The following SNED1 variants were observed in gnomAD, a reference collection of about 807,000 sequenced individuals.
The protein encoded by SNED1 is sushi, nidogen and EGF like domains 1, also known as sushi, nidogen and EGF-like domain-containing protein 1.
SNED1 carries 81 observed loss-of-function variants against 166.7 expected under a neutral mutation model. That is an observed-to-expected ratio of 0.49 (90% CI 0.41 to 0.58). The LOEUF (loss-of-function observed/expected upper bound fraction) is 0.58. SNED1 is among the 20% of genes least tolerant of loss of function. The probability of loss-of-function intolerance (pLI) is 0.00; values close to 1 mark genes in which losing one functional copy is unlikely to be tolerated. For missense variants in SNED1, 1,604 were observed against 2,000.2 expected (o/e 0.80, Z 3.78); for synonymous variants, 762 against 822.0 (o/e 0.93, Z 1.25).
In SNED1 at chr2:241,073,221, G is replaced by C; in HGVS notation, c.3818-45G>C. On this transcript the variant is annotated intron_variant, in intron 26 of 31. Transcript: ENST00000310397. The surrounding 1 kb of genome is among the most constrained non-coding windows in gnomAD (Gnocchi z 6.6). Reference sequence around the variant, plus strand: ...AAGGGTGGCCCCAGGACCATCCCGGGTGCAAAGCAGCTGCGCCGTGTGGTC... The same window carrying C: ...AAGGGTGGCCCCAGGACCATCCCGGCTGCAAAGCAGCTGCGCCGTGTGGTC... 2 of 1,440,178 alleles carry C rather than the reference G, an allele frequency of 1.4e-6. No individual in the cohort carries two copies. Among genetic ancestry groups the C allele is most frequent in the Non-Finnish European group, 1.9e-6 (2 of 1,048,136 alleles). 89.2% of individuals were successfully genotyped at this position (1,440,178 alleles called of 1,614,324 possible).
At chr2:241,037,757 G>C (rs1232019848) in intron 6 of SNED1, among the ~76,000 whole-genome samples, 1 of 152,226 alleles carries the variant, frequency 6.6e-6, no homozygotes, top group Non-Finnish European at 1.5e-5. Context: ...AAGTGCTTCT[G>C]GGGTCAGATG....
intron 7 of SNED1, 49 bp downstream of exon 7, chr2:241,040,237 G>A (rs892854525): frequency 5.7e-6 from 9 of 1,568,890 alleles, no homozygotes; most frequent in Non-Finnish European, 7.8e-6. Context: ...CCGTGGCCAG[G>A]TGCTGGGCAC....
At chr2:241,080,940 G>A (rs2063298804) in intron 27 of SNED1, among the ~76,000 whole-genome samples, 1 of 152,250 alleles carries the variant, frequency 6.6e-6, no homozygotes, top group Admixed American at 6.5e-5. Flanking sequence ...GACAGGGACA[G>A]ACACAGGTCT....
At chr2:241,060,790 G>T (rs2062206811) in intron 16 of SNED1, among the ~76,000 whole-genome samples, 2 of 152,056 alleles carry the variant, frequency 1.3e-5, no homozygotes, top group Admixed American at 6.6e-5. Flanking sequence ...AATTAACCAG[G>T]CGTAGTGGCA....
intron 1 of SNED1, among the ~76,000 whole-genome samples, chr2:241,010,984 G>C (rs2060373599): frequency 6.6e-6 from 1 of 152,104 alleles, no homozygotes; most frequent in Non-Finnish European, 1.5e-5. Context: ...AGTTCTGGGG[G>C]ATGCAGCCAG....
At position 241,068,920 on chromosome 2, in the gene SNED1, G is replaced by A. The variant is rs900464693; in HGVS notation, c.3204G>A (p.Leu1068=). ...CACCTCCTGCCCACAGGGCCCTGCTGCCTGGGAAGAGGTACACCATCCAGC... is the reference window on the plus strand; with the variant it reads ...CACCTCCTGCCCACAGGGCCCTGCTACCTGGGAAGAGGTACACCATCCAGC... The part of the protein sequence containing the change: ...SVDRFTFRAL[L]PGKRYTIQLT... Residue 1068 remains leucine (L), a synonymous_variant, in exon 23 of 32, where the codon CTG becomes CTA. Transcript: ENST00000310397. This position sits in a 1 kb window ranked among gnomAD's most constrained non-coding sequence, Gnocchi z 5.3. 6.4e-7 allele frequency: 1 copy of A among 1,551,330 alleles called. No homozygotes were observed. Among genetic ancestry groups the A allele is most frequent in the African/African-American group, 1.4e-5 (1 of 73,192 alleles).
chr2:241,027,106 G>C (rs779789831), intron 1 of SNED1, among the ~76,000 whole-genome samples: 4 of 151,254 alleles, frequency 2.6e-5, no homozygotes, highest in African/African-American at 9.7e-5. Flanking sequence ...TTAAAGACAG[G>C]GTCTCACTCT....
intron 16 of SNED1, among the ~76,000 whole-genome samples, chr2:241,061,027 A>G (rs978569923): frequency 6.6e-6 from 1 of 152,188 alleles, no homozygotes; most frequent in Non-Finnish European, 1.5e-5. Context: ...TTAAGCCACA[A>G]AAAGAATTTA....
rs1260336505 is a variant in SNED1, at chr2:241,052,156, A to G, written c.1968A>G (p.Ile656Met). ...GCTTCTCCGGGCGGCACTGCGAGATAGGTAAGGTGGGTGGGAGGCCAGGCC... is the reference window on the plus strand; with the variant it reads ...GCTTCTCCGGGCGGCACTGCGAGATGGGTAAGGTGGGTGGGAGGCCAGGCC... ...PPGFSGRHCEIAPSPCFRSPC... is the reference protein window; with the variant it reads ...PPGFSGRHCEMAPSPCFRSPC... The change falls in exon 14 of 32, where the codon ATA (isoleucine) becomes ATG (methionine). Residue 656 changes from isoleucine (I) to methionine (M), a missense_variant and splice_region_variant. Ile to Met is a conservative substitution (Grantham distance 10). This residue lies in a region of SNED1 where 1,237 missense variants were observed against 1,620.8 expected (regional missense o/e 0.76). Coordinates refer to ENST00000310397, the MANE Select transcript of SNED1 (RefSeq NM_001080437.3). 8.7e-6 allele frequency: 14 copies of G among 1,612,266 alleles called. No individual in the cohort carries two copies. Among genetic ancestry groups the G allele is most frequent in the Non-Finnish European group, 1.2e-5 (14 of 1,178,606 alleles).
intron 27 of SNED1, among the ~76,000 whole-genome samples, chr2:241,077,387 AG>A (rs2063078929): frequency 6.6e-6 from 1 of 152,206 alleles, no homozygotes; most frequent in Non-Finnish European, 1.5e-5. Context: ...CAACAATAAA[AG>A]TATGAGCAAC....
chr2:241,069,397 T>C lies in SNED1; in HGVS notation c.3307+374T>C, dbSNP rs2062602172. On this transcript the variant is annotated intron_variant, in intron 23 of 31. Coordinates refer to ENST00000310397, the MANE Select transcript of SNED1 (RefSeq NM_001080437.3). This position sits in a 1 kb window ranked among gnomAD's most constrained non-coding sequence, Gnocchi z 4.9. Reference sequence around the variant, plus strand: ...AAGCTCCCTAAGTTCCTGGTGTCACTAGGCCCACACCCCCTCCCCAGTGCA... The same window carrying C: ...AAGCTCCCTAAGTTCCTGGTGTCACCAGGCCCACACCCCCTCCCCAGTGCA... 6.6e-6 allele frequency among the ~76,000 whole-genome samples: 1 copy of C among 152,112 alleles called. No homozygotes were observed. Among genetic ancestry groups the C allele is most frequent in the Admixed American group, 6.5e-5 (1 of 15,286 alleles).
Position 241,018,002 on chromosome 2 carries a change from G to T in SNED1, c.214-12282G>T, listed in dbSNP as rs372202185. Among the ~76,000 whole-genome samples the T allele has an allele frequency of 1.3e-5, 2 of 151,996 alleles. No individual in the cohort carries two copies. The highest frequency in any genetic ancestry group is 4.2e-4 in the South Asian group (2 of 4,818). The stretch of plus-strand genomic sequence containing the variant: ...TCCGGAATTGAAAGTCTCATGTCCC[G>T]GGGACCCCCTCAGTTCCAGGCAAAC... On this transcript the variant is annotated intron_variant, in intron 1 of 31. Coordinates refer to ENST00000310397, the MANE Select transcript of SNED1 (RefSeq NM_001080437.3). This position sits in a 1 kb window ranked among gnomAD's most constrained non-coding sequence, Gnocchi z 5.4.
At position 241,094,237 on chromosome 2, in the gene SNED1, G is replaced by A. The variant is rs750333126; in HGVS notation, c.*2601G>A. On this transcript the variant is annotated 3_prime_UTR_variant, in exon 32 of 32. Coordinates refer to ENST00000310397, the MANE Select transcript of SNED1 (RefSeq NM_001080437.3). The surrounding 1 kb of genome is among the most constrained non-coding windows in gnomAD (Gnocchi z 4.3). Reference sequence around the variant, plus strand: ...GCTGTGCCCACTGTCCTCCAGTAGAGAACCCAACAGGCAAGGGCCCCACTC... The same window carrying A: ...GCTGTGCCCACTGTCCTCCAGTAGAAAACCCAACAGGCAAGGGCCCCACTC... 7.3e-5 allele frequency: 34 copies of A among 462,820 alleles called. No homozygotes were observed. Among genetic ancestry groups the A allele is most frequent in the Non-Finnish European group, 1.4e-4 (31 of 223,766 alleles). 28.7% of individuals were successfully genotyped at this position (462,820 alleles called of 1,614,324 possible).
chr2:241,066,497 G>A (rs2062456433), intron 21 of SNED1, among the ~76,000 whole-genome samples: 2 of 152,236 alleles, frequency 1.3e-5, no homozygotes, highest in African/African-American at 4.8e-5. Context: ...GCAGGGCCAT[G>A]GGGCCATGGG....
rs1460270712 is a variant in SNED1 at position 241,073,313 on chromosome 2, C to T, written c.3865C>T (p.Arg1289Trp). 3.1e-5 allele frequency: 49 copies of T among 1,573,934 alleles called. No individual in the cohort carries two copies. Among genetic ancestry groups the T allele is most frequent in the South Asian group, 1.8e-4 (15 of 85,374 alleles). The change falls in exon 27 of 32, where the codon CGG becomes TGG. Residue 1289 changes from arginine to tryptophan, a missense_variant. This residue lies in a region of SNED1 where 367 missense variants were observed against 379.4 expected (regional missense o/e 0.97). Transcript: ENST00000310397. This position sits in a 1 kb window ranked among gnomAD's most constrained non-coding sequence, Gnocchi z 6.6. ...CGAGAACATGGAGGAAGCCCCCAAG[C>T]GGGTCAGCCTGGCCCTCCAGCTCCC... Reference protein sequence around the residue: ...QLENMEEAPKRVSLALQLPEH... With the variant: ...QLENMEEAPKWVSLALQLPEH...
Position 241,033,804 on chromosome 2 carries a change from A to G in SNED1, c.571A>G (p.Ile191Val), listed in dbSNP as rs757790753. The part of the protein sequence containing the change: ...LSFTIFNYES[I>V]VWTTGTHASS... ...CTTCACCATCTTCAACTATGAGTCC[A>G]TCGTGTGGACCACAGGCACACACGC... The change falls in exon 3 of 32, where the codon ATC becomes GTC. Residue 191 changes from isoleucine to valine, a missense_variant. Coordinates refer to ENST00000310397, the MANE Select transcript of SNED1 (RefSeq NM_001080437.3). 4 of 1,611,168 alleles carry G rather than the reference A, an allele frequency of 2.5e-6. No homozygotes were observed. Among genetic ancestry groups the G allele is most frequent in the East Asian group, 2.2e-5 (1 of 44,846 alleles).
chr2:241,015,867 G>A (rs77909366), intron 1 of SNED1: 7,337 of 152,942 alleles, frequency 0.048, 954 homozygotes, highest in East Asian at 0.36. Context: ...CATTGAATAC[G>A]ATGTGTGCAC....
rs371948486 is a variant in SNED1 at position 241,048,655 on chromosome 2, G to C, written c.1400-7G>C. The C allele has an allele frequency of 3.7e-6, 6 of 1,604,736 alleles. No individual in the cohort carries two copies. The highest frequency in any genetic ancestry group is 5.1e-6 in the Non-Finnish European group (6 of 1,176,082). On this transcript the variant is annotated splice_region_variant and splice_polypyrimidine_tract_variant and intron_variant, in intron 9 of 31. Transcript: ENST00000310397. ...ACATGGGAGGCTCCTCCCTCTCTTC[G>C]TGGCAGGAGTCCCCGATGACTGTGA...
chr2:241,084,412 C>T (rs1210210414), intron 29 of SNED1, among the ~76,000 whole-genome samples: 3 of 152,130 alleles, frequency 2.0e-5, no homozygotes, highest in Non-Finnish European at 4.4e-5. Context: ...CCTTGCCCTC[C>T]CAAAGTGCTG....
Sources: allele counts gnomAD v4.1 joint callset (sites outside exome capture counted in the v4.1 genomes callset), GRCh38; gene constraint gnomAD v4.1.1; regional missense constraint gnomAD v4.1.1; non-coding constraint Gnocchi (gnomAD v3.1); transcripts MANE v1.5; gene names NCBI Gene and HGNC (gene_info 2026-07-23, HGNC 2026-07-21).